SND1: variants seen among roughly 807,000 people sequenced by gnomAD.
SND1 encodes staphylococcal nuclease and tudor domain containing 1.
A neutral mutation model predicts 121.7 loss-of-function variants in SND1; 38 were observed. The ratio of observed to expected loss-of-function variants is 0.31; its 90% confidence interval spans 0.24 to 0.41. The LOEUF is 0.41. Ranked by LOEUF, SND1 falls within the 10% of genes least tolerant of loss-of-function variation. SND1 has a pLI of 1.00. For synonymous variants in SND1, 401 were observed against 447.4 expected (o/e 0.90, Z 1.31); for missense variants, 868 against 1,184.6 (o/e 0.73, Z 3.92).
chr7:127,774,537 G>A (rs1797578802), intron 10 of SND1, among the ~76,000 whole-genome samples: 1 of 151,486 alleles, frequency 6.6e-6, no homozygotes, highest in Admixed American at 6.6e-5. Context: ...GGAACACGCT[G>A]TAGTCACGGT....
intron 16 of SND1, chr7:127,997,586 C>T: frequency 4.6e-6 from 2 of 433,282 alleles, no homozygotes; most frequent in South Asian, 3.6e-5. Flanking sequence ...TCTTAAAAGA[C>T]AAATCTGACT....
chr7:127,821,220 G>A (rs532131760), intron 11 of SND1, among the ~76,000 whole-genome samples: 1 of 152,348 alleles, frequency 6.6e-6, no homozygotes, highest in East Asian at 1.9e-4. Flanking sequence ...AGGAATTCTA[G>A]TTGATGGGCC....
At chr7:128,036,771 C>A (rs73721286) in intron 16 of SND1, among the ~76,000 whole-genome samples, 2,124 of 152,270 alleles carry the variant, frequency 0.014, 60 homozygotes, top group African/African-American at 0.049. Flanking sequence ...GTGGTCTAGC[C>A]ACAGTCACTT....
intron 16 of SND1, among the ~76,000 whole-genome samples, chr7:128,041,130 A>G (rs895555017): frequency 6.6e-6 from 1 of 152,084 alleles, no homozygotes; most frequent in Non-Finnish European, 1.5e-5. Flanking sequence ...AAGGACAAGC[A>G]CTTTACCTTA....
rs3757779 is a variant in SND1, at chr7:127,805,347, A to G, written c.1153-2137A>G. The stretch of plus-strand genomic sequence containing the variant: ...GAGCTCAGCCACCCCAGAGGCTTCT[A>G]TCTGGAGTATGTTGATTTCCACATA... On this transcript the variant is annotated intron_variant, in intron 10 of 23. Transcript: ENST00000354725. 4.5e-3 allele frequency among the ~76,000 whole-genome samples: 685 copies of G among 152,320 alleles called. 10 individuals are homozygous for G. The East Asian group carries it at 0.054, about 12-fold the overall frequency.
At chr7:127,997,848 T>C (rs1290076727) in intron 16 of SND1, 2 of 534,726 alleles carry the variant, frequency 3.7e-6, no homozygotes, top group East Asian at 5.4e-5. Context: ...CGCCCTTGCT[T>C]GCTTTCCTAT....
chr7:127,713,534 A>G (rs1362559882), intron 9 of SND1, among the ~76,000 whole-genome samples: 2 of 152,218 alleles, frequency 1.3e-5, no homozygotes, highest in Admixed American at 6.5e-5. Flanking sequence ...TGAAGCCTTA[A>G]CAAATAGTGA....
intron 15 of SND1, among the ~76,000 whole-genome samples, chr7:127,977,544 AGATTAATCTGGTAGCT>A (rs1468616322): frequency 2.0e-5 from 3 of 152,228 alleles, no homozygotes; most frequent in Non-Finnish European, 2.9e-5. Flanking sequence ...TGTTTTAGGA[AGATTAATCTGGTAGCT>A]GATTAATCTG....
intron 10 of SND1, among the ~76,000 whole-genome samples, chr7:127,735,094 A>G (rs1796750425): frequency 6.6e-6 from 1 of 152,044 alleles, no homozygotes; most frequent in South Asian, 2.1e-4. Flanking sequence ...GGCATGCACT[A>G]TTTTGTTGAC....
intron 12 of SND1, among the ~76,000 whole-genome samples, chr7:127,877,257 A>T (rs1418150856): frequency 6.6e-6 from 1 of 152,212 alleles, no homozygotes; most frequent in Non-Finnish European, 1.5e-5. Context: ...TAACTATTTG[A>T]TATAACTGTT....
chr7:127,970,774 A>AT (rs2116885231), intron 15 of SND1, among the ~76,000 whole-genome samples: 1 of 152,152 alleles, frequency 6.6e-6, no homozygotes, highest in African/African-American at 2.4e-5. Context: ...ATGTATATTA[A>AT]ATACATACAT....
intron 15 of SND1, among the ~76,000 whole-genome samples, chr7:127,968,254 G>A (rs1324509670): frequency 6.6e-6 from 1 of 152,072 alleles, no homozygotes; most frequent in Non-Finnish European, 1.5e-5. Flanking sequence ...CCTTCTGCTG[G>A]CAAATTGTGA....
intron 13 of SND1, among the ~76,000 whole-genome samples, chr7:127,893,823 T>A (rs1157402659): frequency 6.6e-6 from 1 of 152,058 alleles, no homozygotes; most frequent in Non-Finnish European, 1.5e-5. Flanking sequence ...CCTTGGCTAC[T>A]TCTCTTCCTG....
chr7:127,934,889 A>G (rs1356881596), intron 15 of SND1, among the ~76,000 whole-genome samples: 1 of 152,180 alleles, frequency 6.6e-6, no homozygotes, highest in African/African-American at 2.4e-5. Flanking sequence ...CCTGGAAGAC[A>G]CCAACCTGCA....
chr7:127,681,414 T>C (rs1247285517), intron 1 of SND1, among the ~76,000 whole-genome samples: 1 of 152,256 alleles, frequency 6.6e-6, no homozygotes, highest in Non-Finnish European at 1.5e-5. Flanking sequence ...AAGAGTCTAG[T>C]ATTCAGAATT....
chr7:127,877,538 G>C (rs1375105863), intron 12 of SND1, among the ~76,000 whole-genome samples: 1 of 151,984 alleles, frequency 6.6e-6, no homozygotes, highest in Non-Finnish European at 1.5e-5. Context: ...AGATACCTTG[G>C]AGCAGACCAG....
intron 1 of SND1, among the ~76,000 whole-genome samples, chr7:127,680,438 G>T (rs1234120494): frequency 6.6e-6 from 1 of 151,988 alleles, no homozygotes; most frequent in Admixed American, 6.6e-5. Context: ...CTACAGTCTC[G>T]ACCGTAGAAA....
In SND1 at chr7:128,009,617, A is replaced by G. The variant is rs1436861804; in HGVS notation, c.1779+18561A>G. ...TAAAATTTAAATAATTTCAAGGTAA[A>G]TAGCCACATGGGGCTAGTGGCCACC... On this transcript the variant is annotated intron_variant, in intron 16 of 23. Coordinates refer to ENST00000354725, the MANE Select transcript of SND1 (RefSeq NM_014390.4). Among the ~76,000 whole-genome samples, 6 of 152,316 alleles carry G rather than the reference A, an allele frequency of 3.9e-5. No individual in the cohort carries two copies. The East Asian group carries it at 1.2e-3, about 29-fold the overall frequency.
At chr7:127,707,013 C>T (rs893691864) in intron 8 of SND1, among the ~76,000 whole-genome samples, 1 of 152,144 alleles carries the variant, frequency 6.6e-6, no homozygotes, top group Non-Finnish European at 1.5e-5. Context: ...CAGAAAATAT[C>T]TACTGGGCAT....
Sources: allele counts gnomAD v4.1 joint callset (sites outside exome capture counted in the v4.1 genomes callset), GRCh38; gene constraint gnomAD v4.1.1; transcripts MANE v1.5; gene names NCBI Gene and HGNC (gene_info 2026-07-23, HGNC 2026-07-21).